PPP1R7: variants seen among roughly 807,000 people sequenced by gnomAD.
The protein encoded by PPP1R7 is protein phosphatase 1 regulatory subunit 7.
A neutral mutation model predicts 45.2 loss-of-function variants in PPP1R7; 18 were observed. The observed-to-expected ratio is 0.40, with a 90% CI of 0.28 to 0.59. PPP1R7 has a LOEUF of 0.59. Ranked by LOEUF, PPP1R7 falls within the 20% of genes least tolerant of loss-of-function variation. The probability of loss-of-function intolerance (pLI) is 0.46; values close to 1 mark genes in which losing one functional copy is unlikely to be tolerated. For missense variants in PPP1R7, 314 were observed against 455.8 expected, an observed-to-expected ratio of 0.69 and a Z score of 2.83; for synonymous variants, 181 against 183.4, an observed-to-expected ratio of 0.99 and a Z score of 0.11.
At chr2:241,154,843 A>G (rs1039007698) in intron 2 of PPP1R7, among the ~76,000 whole-genome samples, 17 of 152,266 alleles carry the variant, frequency 1.1e-4, no homozygotes, top group African/African-American at 3.1e-4. Context: ...CTAGATTTGT[A>G]TACAGTGTAT....
At chr2:241,161,615 C>T (rs191874793) in intron 6 of PPP1R7, among the ~76,000 whole-genome samples, 22 of 152,334 alleles carry the variant, frequency 1.4e-4, no homozygotes, top group South Asian at 4.1e-4. Context: ...ACCTTGAAAA[C>T]GTGGGACAGA....
chr2:241,151,558 G>A, intron 1 of PPP1R7: 1 of 471,212 alleles, frequency 2.1e-6, no homozygotes, highest in South Asian at 1.5e-5. Context: ...AAAAGGTGTG[G>A]AGGAGAGTTT....
rs753804502 is a variant in PPP1R7 at position 241,153,624 on chromosome 2, T to G, written c.181+20T>G. 6.2e-7 allele frequency: 1 copy of G among 1,611,454 alleles called. No individual in the cohort carries two copies. Among genetic ancestry groups the G allele is most frequent in the East Asian group, 2.2e-5 (1 of 44,796 alleles). Reference sequence around the variant, plus strand: ...CAGAAGGTACCAGGCCCAGCTCCCTTGGGGACATCTGCTGGTTGGGGGATG... The same window carrying G: ...CAGAAGGTACCAGGCCCAGCTCCCTGGGGGACATCTGCTGGTTGGGGGATG... On this transcript the variant is annotated intron_variant, in intron 2 of 9. Coordinates refer to ENST00000234038, the MANE Select transcript of PPP1R7 (RefSeq NM_002712.3).
intron 9 of PPP1R7, among the ~76,000 whole-genome samples, chr2:241,176,802 C>G (rs937675467): frequency 6.6e-6 from 1 of 152,218 alleles, no homozygotes; most frequent in Admixed American, 6.5e-5. Context: ...CAGTGAGATA[C>G]AGTGTTATCT....
chr2:241,155,429 A>G (rs1242934762), intron 2 of PPP1R7, among the ~76,000 whole-genome samples: 4 of 152,210 alleles, frequency 2.6e-5, no homozygotes, highest in Non-Finnish European at 5.9e-5. Context: ...GGGAATATGC[A>G]TTTCTAGCCC....
At chr2:241,161,441 G>A (rs1213550638) in intron 6 of PPP1R7, among the ~76,000 whole-genome samples, 1 of 151,484 alleles carries the variant, frequency 6.6e-6, no homozygotes, top group African/African-American at 2.4e-5. Flanking sequence ...CCAGCAAAGT[G>A]GTCACTTGGA....
chr2:241,156,266 G>GA (rs772161957), intron 2 of PPP1R7, among the ~76,000 whole-genome samples: 82 of 152,252 alleles, frequency 5.4e-4, no homozygotes, highest in Admixed American at 9.8e-4. Context: ...GTTTACAGGA[G>GA]AAAGAACATC....
At chr2:241,180,704 CAG>C (rs1426068452) in intron 9 of PPP1R7, among the ~76,000 whole-genome samples, 2 of 140,080 alleles carry the variant, frequency 1.4e-5, no homozygotes, top group Non-Finnish European at 2.9e-5. Context: ...AGTGTAGTAA[CAG>C]AGTAGCATTT....
At chr2:241,157,535 C>T (rs1431209272) in intron 2 of PPP1R7, among the ~76,000 whole-genome samples, 11 of 152,226 alleles carry the variant, frequency 7.2e-5, no homozygotes, top group Admixed American at 7.2e-4. Context: ...TTTCCTTTCT[C>T]AGGAAGTTCA....
chr2:241,150,457 C>A (rs760524986), upstream of PPP1R7: 13 of 1,415,778 alleles, frequency 9.2e-6, no homozygotes, highest in Admixed American at 2.0e-4. Flanking sequence ...GCTGAGGGGT[C>A]TGAGGCGACA....
Position 241,160,487 on chromosome 2 carries a change from G to A in PPP1R7, c.590G>A (p.Arg197His), listed in dbSNP as rs745713601. Residue 197 changes from arginine to histidine, a missense_variant, in exon 6 of 10, where the codon CGC becomes CAC. Arg to His is a conservative substitution (Grantham distance 29). Coordinates refer to ENST00000234038, the MANE Select transcript of PPP1R7 (RefSeq NM_002712.3). ...CAGATGCTAGAGCTGGGATCTAACCGCATCCGGGTAGGTGCAGACAGCCCT... is the reference window on the plus strand; with the variant it reads ...CAGATGCTAGAGCTGGGATCTAACCACATCCGGGTAGGTGCAGACAGCCCT... ...QLQMLELGSN[R>H]IRAIENIDTL... 1.0e-5 allele frequency: 16 copies of A among 1,601,874 alleles called. No individual in the cohort carries two copies. Among genetic ancestry groups the A allele is most frequent in the Admixed American group, 1.8e-5 (1 of 57,064 alleles).
intron 8 of PPP1R7, 21 bp downstream of exon 8, chr2:241,166,462 C>T: frequency 6.2e-7 from 1 of 1,609,086 alleles, no homozygotes; most frequent in Non-Finnish European, 8.5e-7. Flanking sequence ...CACTGTCTGT[C>T]TGGGGCTGTG....
At chr2:241,164,968 A>G (rs1035557487) in intron 7 of PPP1R7, among the ~76,000 whole-genome samples, 1 of 152,100 alleles carries the variant, frequency 6.6e-6, no homozygotes, top group Non-Finnish European at 1.5e-5. Context: ...GAAATGCTTG[A>G]ATCCAGGAGG....
In PPP1R7 at chr2:241,151,342, A is replaced by G. The variant is rs116741086; in HGVS notation, c.52+795A>G. On this transcript the variant is annotated intron_variant, in intron 1 of 9. Transcript: ENST00000234038. ...CTCCCAGAAGAGCAGTCACTGCCTT[A>G]TGTGAAAGGGGTAGGGAAGAGGAAT... The G allele has an allele frequency of 1.0e-3, 435 of 424,426 alleles. 3 individuals carry two copies. Among genetic ancestry groups the G allele is most frequent in the African/African-American group, 7.8e-3 (384 of 49,148 alleles). The allele number at this position is 424,426 out of a possible 1,614,324, so 26.3% of individuals were successfully genotyped here.
chr2:241,163,451 C>G, intron 7 of PPP1R7, 50 bp downstream of exon 7: 1 of 1,251,826 alleles, frequency 8.0e-7, no homozygotes, highest in Non-Finnish European at 1.2e-6. Context: ...GCAGGGCCAG[C>G]GCTGCTGGAC....
In PPP1R7 at chr2:241,177,096, C is replaced by T. The variant is rs138417391; in HGVS notation, c.907-5551C>T. On this transcript the variant is annotated intron_variant, in intron 9 of 9. Transcript: ENST00000234038. ...AAATACAAAAATGAGCCAGGCGTGG[C>T]GGCATGCACCTATAGTCTCAGCTAC... is the stretch of plus-strand genomic sequence containing the variant. Among the ~76,000 whole-genome samples the T allele has an allele frequency of 3.3e-3, 508 of 152,242 alleles. 1 individual carries two copies. The highest frequency in any genetic ancestry group is 0.011 in the African/African-American group (472 of 41,542).
At position 241,157,844 on chromosome 2, in the gene PPP1R7, C is replaced by A; in HGVS notation, c.219C>A (p.Asn73Lys). The change falls in exon 3 of 10, where the codon AAC (asparagine) becomes AAA (lysine). Residue 73 changes from asparagine (N) to lysine (K), a missense_variant. By Grantham distance (94) the Asn-to-Lys change is moderately conservative. This residue lies in a region of PPP1R7 where 112 missense variants were observed against 144.5 expected (regional missense o/e 0.78). Coordinates refer to ENST00000234038, the MANE Select transcript of PPP1R7 (RefSeq NM_002712.3). ...TGCCTGTGGACATGGAAACCATCAA[C>A]CTGGACAGAGATGCAGAGGTAATGC... The part of the protein sequence containing the change: ...HELPVDMETI[N>K]LDRDAEDVDL... 6.2e-7 allele frequency: 1 copy of A among 1,614,158 alleles called. No homozygotes were observed. The highest frequency in any genetic ancestry group is 8.5e-7 in the Non-Finnish European group (1 of 1,179,976).
intron 9 of PPP1R7, among the ~76,000 whole-genome samples, chr2:241,177,206 C>A (rs997784058): frequency 1.3e-5 from 2 of 151,212 alleles, no homozygotes; most frequent in Non-Finnish European, 2.9e-5. Flanking sequence ...ACGATCAGGT[C>A]AGGAGATCGA....
Position 241,159,406 on chromosome 2 carries a change from G to T in PPP1R7, c.434+63G>T. On this transcript the variant is annotated intron_variant, in intron 5 of 9. Transcript: ENST00000234038. ...AAGGCCACTGGGTGGGGGGTGTCCA[G>T]TCTCCAGAGCCAACCTCCTGCTGGC... 2.5e-6 allele frequency: 4 copies of T among 1,588,778 alleles called. No individual in the cohort carries two copies. The Admixed American group carries it at 6.8e-5, about 27-fold the overall frequency.
Sources: allele counts gnomAD v4.1 joint callset (sites outside exome capture counted in the v4.1 genomes callset), GRCh38; gene constraint gnomAD v4.1.1; regional missense constraint gnomAD v4.1.1; transcripts MANE v1.5; gene names NCBI Gene and HGNC (gene_info 2026-07-23, HGNC 2026-07-21).